CSMD1: variants seen among roughly 807,000 people sequenced by gnomAD.
CSMD1 encodes the protein CUB and sushi domain-containing protein 1.
A neutral mutation model predicts 417.5 loss-of-function variants in CSMD1; 213 were observed. The observed-to-expected ratio is 0.51, with a 90% confidence interval of 0.46 to 0.57. CSMD1 has a LOEUF of 0.57. Among genes scored for constraint, CSMD1 ranks in the 20% least tolerant of loss-of-function variants. The pLI, the probability that CSMD1 is intolerant of heterozygous loss-of-function variation, is 0.00. For synonymous variants in CSMD1, 2,862 were observed against 1,736.8 expected (o/e 1.65, Z -16.11); for missense variants, 6,923 against 4,529.7 (o/e 1.53, Z -15.17).
intron 6 of CSMD1, among the ~76,000 whole-genome samples, chr8:3,749,456 G>A (rs2129052725): frequency 6.6e-6 from 1 of 152,224 alleles, no homozygotes; most frequent in Non-Finnish European, 1.5e-5. Context: ...TGATATAATT[G>A]GAGAGGTGAA....
rs557306403 is a variant in CSMD1 at position 4,698,077 on chromosome 8, A to C, written c.86-60519T>G. Among the ~76,000 whole-genome samples, 46 of 152,242 alleles carry C rather than the reference A, an allele frequency of 3.0e-4. No homozygotes were observed. In the South Asian group the frequency reaches 5.4e-3, roughly 18 times the overall value. On this transcript the variant is annotated intron_variant, in intron 1 of 69. Transcript: ENST00000635120. ...ATCAAAATATTAAGTGAAGTTCCCA[A>C]ACATGTCAAATATAAATGAATTCCC...
intron 1 of CSMD1, among the ~76,000 whole-genome samples, chr8:4,676,439 T>C (rs2130962350): frequency 6.6e-6 from 1 of 152,266 alleles, no homozygotes; most frequent in Non-Finnish European, 1.5e-5. Flanking sequence ...CTGCAGCTGC[T>C]GGAGTATGTC....
rs377716196 is a variant in CSMD1 at position 4,104,476 on chromosome 8, G to T, written c.416-72377C>A. 5.4e-3 allele frequency among the ~76,000 whole-genome samples: 829 copies of T among 152,246 alleles called. 7 individuals are homozygous for T. The highest frequency in any genetic ancestry group is 0.019 in the African/African-American group (792 of 41,568). ...CAGGATATGTGCACTGAATGTATTTGACTCTATTGAATTTTCTTGCTTTCA... is the reference window on the plus strand; with the variant it reads ...CAGGATATGTGCACTGAATGTATTTTACTCTATTGAATTTTCTTGCTTTCA... On this transcript the variant is annotated intron_variant, in intron 3 of 69. Transcript: ENST00000635120.
chr8:3,307,103 TCCTA>T (rs1157243277), intron 25 of CSMD1, among the ~76,000 whole-genome samples: 4 of 152,206 alleles, frequency 2.6e-5, no homozygotes, highest in Non-Finnish European at 5.9e-5. Context: ...TTGCTTCTCT[TCCTA>T]TTAAAAGAAC....
chr8:3,996,034 C>T (rs1256390947), intron 5 of CSMD1, among the ~76,000 whole-genome samples: 1 of 152,170 alleles, frequency 6.6e-6, no homozygotes, highest in Non-Finnish European at 1.5e-5. Context: ...TCAATTGTTG[C>T]CATAAAGTGC....
chr8:4,795,112 G>A (rs1797904076), intron 1 of CSMD1, among the ~76,000 whole-genome samples: 1 of 151,792 alleles, frequency 6.6e-6, no homozygotes, highest in Non-Finnish European at 1.5e-5. Context: ...AATAGATACA[G>A]CAAAAAATAA....
intron 2 of CSMD1, among the ~76,000 whole-genome samples, chr8:4,503,252 T>A (rs1427113978): frequency 6.6e-6 from 1 of 152,140 alleles, no homozygotes; most frequent in Non-Finnish European, 1.5e-5. Flanking sequence ...TCATTGCACT[T>A]TGCCATGGCA....
At chr8:3,228,254 A>G (rs1304025122) in intron 27 of CSMD1, among the ~76,000 whole-genome samples, 3 of 152,244 alleles carry the variant, frequency 2.0e-5, no homozygotes, top group African/African-American at 7.2e-5. Flanking sequence ...AAAAAATTAA[A>G]AAGTGTTTTG....
At position 3,047,213 on chromosome 8, in the gene CSMD1, C is replaced by CAAA. The variant is rs749861179; in HGVS notation, c.7660+5246_7660+5248dup. Among the ~76,000 whole-genome samples, 61 of 73,032 alleles carry CAAA rather than the reference C, an allele frequency of 8.4e-4. 1 individual carries two copies. The highest frequency in any genetic ancestry group is 3.0e-3 in the African/African-American group (43 of 14,400). 47.9% of individuals were successfully genotyped at this position (73,032 alleles called of 152,430 possible). On this transcript the variant is annotated intron_variant, in intron 50 of 69. Transcript: ENST00000635120. ...CAGGCAACAGTATAAGACTCCCTCT[C>CAAA]AAAAAAAAAAAAAAAAAAAAAAAAA...
intron 23 of CSMD1, among the ~76,000 whole-genome samples, chr8:3,310,369 C>T (rs1323958428): frequency 2.0e-5 from 3 of 152,300 alleles, no homozygotes; most frequent in Admixed American, 6.5e-5. Flanking sequence ...GAAGTGACAG[C>T]ATCTGAACAA....
intron 3 of CSMD1, among the ~76,000 whole-genome samples, chr8:4,402,978 C>A (rs1246145317): frequency 6.6e-6 from 1 of 151,712 alleles, no homozygotes; most frequent in Non-Finnish European, 1.5e-5. Context: ...TGCCACCATG[C>A]CTGGCTAATT....
chr8:3,559,884 G>C (rs759709298), intron 10 of CSMD1, among the ~76,000 whole-genome samples: 4 of 152,180 alleles, frequency 2.6e-5, no homozygotes, highest in Non-Finnish European at 4.4e-5. Context: ...GAGAATGGAA[G>C]AGGGGTTGAA....
chr8:3,270,332 A>T (rs1167402473), intron 26 of CSMD1, among the ~76,000 whole-genome samples: 1 of 152,184 alleles, frequency 6.6e-6, no homozygotes, highest in Non-Finnish European at 1.5e-5. Context: ...CTGGGATTAC[A>T]GGCATGAGCC....
At chr8:4,177,535 G>A (rs928874488) in intron 3 of CSMD1, among the ~76,000 whole-genome samples, 4 of 151,984 alleles carry the variant, frequency 2.6e-5, no homozygotes, top group African/African-American at 9.7e-5. Context: ...AAAAACAAGA[G>A]CAAACACATT....
intron 3 of CSMD1, among the ~76,000 whole-genome samples, chr8:4,301,849 A>T (rs1462450770): frequency 6.7e-6 from 1 of 149,894 alleles, no homozygotes; most frequent in Non-Finnish European, 1.5e-5. Flanking sequence ...CGGTGATTTC[A>T]CCATTCTTCT....
intron 5 of CSMD1, among the ~76,000 whole-genome samples, chr8:3,789,367 T>C (rs1267324621): frequency 2.0e-5 from 3 of 150,110 alleles, no homozygotes; most frequent in East Asian, 2.0e-4. Flanking sequence ...CTTGTATTGC[T>C]AGTGTTTTTT....
chr8:4,212,848 G>C (rs1055467774), intron 3 of CSMD1, among the ~76,000 whole-genome samples: 1 of 141,230 alleles, frequency 7.1e-6, no homozygotes, highest in Non-Finnish European at 1.5e-5. Context: ...CACCCTTCTA[G>C]TCCAGCTTTC....
At chr8:4,554,391 C>A (rs979892242) in intron 2 of CSMD1, among the ~76,000 whole-genome samples, 3 of 152,164 alleles carry the variant, frequency 2.0e-5, no homozygotes, top group African/African-American at 7.2e-5. Context: ...CCTGCCTCGG[C>A]CTCCCAAAGT....
chr8:3,132,654 A>C (rs1817854489), intron 41 of CSMD1, among the ~76,000 whole-genome samples: 2 of 152,190 alleles, frequency 1.3e-5, no homozygotes, highest in African/African-American at 4.8e-5. Context: ...TGCAGATACA[A>C]AAGTAGTTCT....
Sources: gnomAD v4.1 joint callset for allele counts (sites outside exome capture counted in the v4.1 genomes callset) on GRCh38, gnomAD v4.1.1 for gene constraint, MANE v1.5 for transcripts, NCBI Gene and HGNC (gene_info 2026-07-23, HGNC 2026-07-21) for gene names.